The following FMN1 variants were observed in gnomAD, a reference collection of about 807,000 sequenced individuals.
FMN1 encodes the protein formin 1, also known as formin-1.
A neutral mutation model predicts 132.4 loss-of-function variants in FMN1; 110 were observed. The observed-to-expected ratio is 0.83, with a 90% CI of 0.71 to 0.97. The LOEUF is 0.97. Among genes scored for constraint, FMN1 ranks in the 50% least tolerant of loss-of-function variants. FMN1 has a pLI of 0.00. For synonymous variants in FMN1, 722 were observed against 651.7 expected, an observed-to-expected ratio of 1.11 and a Z score of -1.64; for missense variants, 1,792 against 1,705.3, an observed-to-expected ratio of 1.05 and a Z score of -0.90.
intron 17 of FMN1, among the ~76,000 whole-genome samples, chr15:32,816,093 T>A (rs1376367672): frequency 6.6e-6 from 1 of 152,230 alleles, no homozygotes; most frequent in East Asian, 1.9e-4. Context: ...ATCACTATAA[T>A]TCTTTGTAAT....
chr15:33,049,025 G>A (rs2036847153), intron 6 of FMN1, among the ~76,000 whole-genome samples: 1 of 152,194 alleles, frequency 6.6e-6, no homozygotes, highest in South Asian at 2.1e-4. Flanking sequence ...TTAAAGGATT[G>A]TTTTAAATTA....
chr15:32,893,613 T>C (rs2060085058), intron 15 of FMN1, among the ~76,000 whole-genome samples: 1 of 152,234 alleles, frequency 6.6e-6, no homozygotes, highest in Non-Finnish European at 1.5e-5. Context: ...AAAAAAGTCA[T>C]CACTTAGGCT....
chr15:33,034,525 T>A (rs915945900), intron 6 of FMN1, among the ~76,000 whole-genome samples: 2 of 152,180 alleles, frequency 1.3e-5, no homozygotes, highest in Non-Finnish European at 2.9e-5. Flanking sequence ...TGCAGTGAGC[T>A]GTGATTGCAC....
intron 4 of FMN1, among the ~76,000 whole-genome samples, chr15:33,095,213 T>C (rs168291): frequency 0.013 from 2,024 of 152,040 alleles, 37 homozygotes; most frequent in African/African-American, 0.047. Flanking sequence ...CTGGGTGTGG[T>C]GGGTGGTGCC....
At chr15:33,115,123 G>C (rs796509739) in intron 4 of FMN1, among the ~76,000 whole-genome samples, 8 of 152,146 alleles carry the variant, frequency 5.3e-5, no homozygotes, top group African/African-American at 1.9e-4. Flanking sequence ...ACTAAGACAA[G>C]GCCCTTGCCT....
In FMN1 at chr15:33,066,962, A is replaced by G. The variant is rs913932241; in HGVS notation, c.2044-1888T>C. The G allele has an allele frequency of 2.5e-6, 4 of 1,613,766 alleles. No homozygotes were observed. In the African/African-American group the frequency reaches 5.3e-5, roughly 22 times the overall value. On this transcript the variant is annotated intron_variant, in intron 5 of 20. Coordinates refer to ENST00000616417, the MANE Select transcript of FMN1 (RefSeq NM_001277313.2). ...CTTCTGCACAGGCTGCGTCAATTTG[A>G]GCAAAGCTAAGTCCCCATCCTTTGG...
At chr15:32,955,429 T>C (rs1202589746) in intron 9 of FMN1, among the ~76,000 whole-genome samples, 1 of 152,212 alleles carries the variant, frequency 6.6e-6, no homozygotes, top group South Asian at 2.1e-4. Context: ...ATATATGATC[T>C]TTCCCTATTC....
chr15:32,964,708 C>A (rs886877276), intron 8 of FMN1, among the ~76,000 whole-genome samples: 2 of 152,198 alleles, frequency 1.3e-5, no homozygotes, highest in African/African-American at 4.8e-5. Context: ...AGACCTGCCT[C>A]CTCTTTGGAC....
intron 7 of FMN1, among the ~76,000 whole-genome samples, chr15:32,976,792 G>C (rs183442600): frequency 6.6e-6 from 1 of 152,282 alleles, no homozygotes; most frequent in Admixed American, 6.5e-5. Context: ...TGCAATGCTG[G>C]AGAGTACACC....
chr15:32,894,123 C>T (rs1009244267), intron 15 of FMN1, among the ~76,000 whole-genome samples: 1 of 152,128 alleles, frequency 6.6e-6, no homozygotes, highest in Non-Finnish European at 1.5e-5. Flanking sequence ...ACTTATTACA[C>T]GTTTGTGAAT....
chr15:33,171,530 A>C (rs927380984), intron 3 of FMN1, among the ~76,000 whole-genome samples: 2 of 152,216 alleles, frequency 1.3e-5, no homozygotes, highest in Admixed American at 6.5e-5. Context: ...GGAACATTAA[A>C]TGTTTCAGGA....
intron 6 of FMN1, among the ~76,000 whole-genome samples, chr15:33,058,111 G>A (rs963599990): frequency 6.6e-6 from 1 of 151,430 alleles, no homozygotes; most frequent in Non-Finnish European, 1.5e-5. Flanking sequence ...AAGGTGCGGC[G>A]GGGCTGCTGG....
chr15:33,048,651 C>CAAAAAAAAAA (rs1338668794), intron 6 of FMN1, among the ~76,000 whole-genome samples: 1 of 120,132 alleles, frequency 8.3e-6, no homozygotes, highest in African/African-American at 3.0e-5. Context: ...AAAAAAAAAC[C>CAAAAAAAAAA]AACAGTTTAA....
intron 6 of FMN1, among the ~76,000 whole-genome samples, chr15:33,041,489 T>G (rs1596533982): frequency 7.5e-6 from 1 of 132,662 alleles, no homozygotes; most frequent in African/African-American, 2.7e-5. Context: ...AAAAAAAGAC[T>G]GGAAAAAAAT....
rs111671337 is a variant in FMN1 at position 32,979,338 on chromosome 15, G to A, written c.2224-9861C>T. On this transcript the variant is annotated intron_variant, in intron 7 of 20. Coordinates refer to ENST00000616417, the MANE Select transcript of FMN1 (RefSeq NM_001277313.2). Reference sequence around the variant, plus strand: ...TCGGAGGCTGAGGTGGGCAGATCACGAGGTCAGGAGATCGAGACCATCCTG... The same window carrying A: ...TCGGAGGCTGAGGTGGGCAGATCACAAGGTCAGGAGATCGAGACCATCCTG... Among the ~76,000 whole-genome samples, 6 of 152,136 alleles carry A rather than the reference G, an allele frequency of 3.9e-5. No individual in the cohort carries two copies. The East Asian group carries it at 7.7e-4, about 20-fold the overall frequency.
intron 4 of FMN1, among the ~76,000 whole-genome samples, chr15:33,103,610 A>G (rs887922006): frequency 6.6e-6 from 1 of 152,116 alleles, no homozygotes; most frequent in African/African-American, 2.4e-5. Context: ...GAAATATTTG[A>G]AATGTTGTTT....
chr15:32,963,349 C>CGG (rs1176700952), intron 9 of FMN1, among the ~76,000 whole-genome samples: 8 of 18,790 alleles, frequency 4.3e-4, no homozygotes, highest in Non-Finnish European at 5.7e-4. Flanking sequence ...GTTGTGGGGT[C>CGG]GGGGGGGTGG....
chr15:32,990,835 C>G (rs1311837864), intron 7 of FMN1, among the ~76,000 whole-genome samples: 2 of 152,100 alleles, frequency 1.3e-5, no homozygotes, highest in Non-Finnish European at 2.9e-5. Flanking sequence ...GAGAGTCAAG[C>G]AAAGGGAGAA....
chr15:33,029,560 T>C (rs1340205362), intron 6 of FMN1, among the ~76,000 whole-genome samples: 3 of 152,206 alleles, frequency 2.0e-5, no homozygotes, highest in African/African-American at 7.2e-5. Context: ...TTTTCCTCAA[T>C]AGCTTTTGTA....
Sources: allele counts gnomAD v4.1 joint callset (sites outside exome capture counted in the v4.1 genomes callset), GRCh38; gene constraint gnomAD v4.1.1; transcripts MANE v1.5; gene names NCBI Gene and HGNC (gene_info 2026-07-23, HGNC 2026-07-21).